Variants in CNTN5 observed in about 807,000 individuals in gnomAD.
CNTN5 encodes the protein contactin-5.
In CNTN5, 77 loss-of-function variants were observed where a neutral mutation model predicts 129.1. The ratio of observed to expected loss-of-function variants is 0.60; its 90% CI spans 0.50 to 0.72. The LOEUF (loss-of-function observed/expected upper bound fraction) is 0.72. Among genes scored for constraint, CNTN5 ranks in the 30% least tolerant of loss-of-function variants. The probability of loss-of-function intolerance (pLI) is 0.00; values close to 1 mark genes in which losing one functional copy is unlikely to be tolerated. For synonymous variants in CNTN5, 509 were observed against 465.6 expected (o/e 1.09, Z -1.20); for missense variants, 1,478 against 1,328.8 (o/e 1.11, Z -1.75).
chr11:100,006,490 G>A (rs886243659), intron 9 of CNTN5, among the ~76,000 whole-genome samples: 1 of 152,102 alleles, frequency 6.6e-6, no homozygotes, highest in Non-Finnish European at 1.5e-5. Context: ...AATGTCCACA[G>A]CATCTTTTCC....
intron 1 of CNTN5, among the ~76,000 whole-genome samples, chr11:99,128,690 G>C (rs1433959728): frequency 6.6e-6 from 1 of 152,160 alleles, no homozygotes; most frequent in Non-Finnish European, 1.5e-5. Context: ...CCCAACAGGG[G>C]TCACCAGACA....
chr11:99,622,775 T>C (rs137994049), intron 3 of CNTN5, among the ~76,000 whole-genome samples: 1 of 152,200 alleles, frequency 6.6e-6, no homozygotes, highest in African/African-American at 2.4e-5. Flanking sequence ...CACATGACTT[T>C]TGCTAACTTG....
intron 6 of CNTN5, among the ~76,000 whole-genome samples, chr11:99,901,662 C>T (rs1949361400): frequency 6.6e-6 from 1 of 152,040 alleles, no homozygotes; most frequent in African/African-American, 2.4e-5. Flanking sequence ...CAGCTCACCA[C>T]TGAGATTTAT....
chr11:99,937,143 A>T (rs1020708893), intron 7 of CNTN5, among the ~76,000 whole-genome samples: 1 of 152,200 alleles, frequency 6.6e-6, no homozygotes, highest in African/African-American at 2.4e-5. Flanking sequence ...TTTCAAATGG[A>T]TTCCTTTTAC....
intron 2 of CNTN5, among the ~76,000 whole-genome samples, chr11:99,444,129 G>T (rs570544521): frequency 1.2e-3 from 182 of 152,214 alleles, no homozygotes; most frequent in African/African-American, 4.0e-3. Context: ...AACCCAGGGG[G>T]TGGAGGTTGC....
intron 1 of CNTN5, among the ~76,000 whole-genome samples, chr11:99,074,672 T>C (rs1565296231): frequency 6.6e-6 from 1 of 152,174 alleles, no homozygotes; most frequent in Admixed American, 6.6e-5. Context: ...ATGTCACTTA[T>C]AAATATCTGT....
chr11:99,848,449 C>G (rs1332256470), intron 6 of CNTN5, among the ~76,000 whole-genome samples: 1 of 151,976 alleles, frequency 6.6e-6, no homozygotes, highest in Non-Finnish European at 1.5e-5. Flanking sequence ...CATTATACAA[C>G]TAATATTTCA....
intron 2 of CNTN5, among the ~76,000 whole-genome samples, chr11:99,427,347 G>A (rs149257487): frequency 4.5e-4 from 69 of 152,208 alleles, no homozygotes; most frequent in African/African-American, 1.6e-3. Flanking sequence ...GAACCTGAGG[G>A]GGGAAATAAT....
chr11:99,753,125 T>TTTTG, intron 3 of CNTN5, among the ~76,000 whole-genome samples: 1 of 141,372 alleles, frequency 7.1e-6, no homozygotes, highest in East Asian at 2.1e-4. Context: ...TTTGCTTTTT[T>TTTTG]TTTTTTTTTT....
intron 2 of CNTN5, among the ~76,000 whole-genome samples, chr11:99,374,246 T>C (rs1411146459): frequency 6.6e-6 from 1 of 152,186 alleles, no homozygotes; most frequent in Non-Finnish European, 1.5e-5. Context: ...AACTTCACAT[T>C]TGTTTTCTCT....
chr11:99,906,285 C>T (rs924433749), intron 6 of CNTN5, among the ~76,000 whole-genome samples: 2 of 152,000 alleles, frequency 1.3e-5, no homozygotes, highest in Non-Finnish European at 2.9e-5. Context: ...TCATAAATAG[C>T]TCTTATTATT....
chr11:99,083,646 G>C (rs1230186091), intron 1 of CNTN5, among the ~76,000 whole-genome samples: 1 of 152,114 alleles, frequency 6.6e-6, no homozygotes, highest in Admixed American at 6.5e-5. Context: ...TGTATCAGAG[G>C]AACTCAAGGG....
At chr11:99,517,014 G>A (rs1209513166) in intron 2 of CNTN5, among the ~76,000 whole-genome samples, 1 of 152,058 alleles carries the variant, frequency 6.6e-6, no homozygotes, top group African/African-American at 2.4e-5. Flanking sequence ...TAGAATAAAA[G>A]GGGGAGGGAA....
chr11:99,767,398 CAAAA>C (rs976535185), intron 3 of CNTN5, among the ~76,000 whole-genome samples: 4 of 151,900 alleles, frequency 2.6e-5, no homozygotes, highest in African/African-American at 7.2e-5. Context: ...AACAACTACT[CAAAA>C]AGAAAGCTGG....
At chr11:99,725,548 G>A (rs369294817) in intron 3 of CNTN5, among the ~76,000 whole-genome samples, 2 of 134,298 alleles carry the variant, frequency 1.5e-5, no homozygotes, top group African/African-American at 5.6e-5. Context: ...TCTTTGCCTT[G>A]CCTTTGTAAC....
chr11:99,180,712 T>C (rs1858009792), intron 1 of CNTN5, among the ~76,000 whole-genome samples: 1 of 152,140 alleles, frequency 6.6e-6, no homozygotes, highest in Non-Finnish European at 1.5e-5. Flanking sequence ...TACTCAATTG[T>C]AGGAAAATAC....
At chr11:99,626,170 G>T (rs184624924) in intron 3 of CNTN5, among the ~76,000 whole-genome samples, 1 of 152,106 alleles carries the variant, frequency 6.6e-6, no homozygotes, top group East Asian at 1.9e-4. Flanking sequence ...CATGCACAGA[G>T]GGTGACATTG....
At chr11:99,411,581 C>A (rs1333042797) in intron 2 of CNTN5, among the ~76,000 whole-genome samples, 1 of 152,026 alleles carries the variant, frequency 6.6e-6, no homozygotes, top group Non-Finnish European at 1.5e-5. Context: ...CTCTTTTTAT[C>A]ACAGCTCTTA....
At chr11:100,109,256 T>C (rs1224175053) in intron 13 of CNTN5, among the ~76,000 whole-genome samples, 2 of 152,100 alleles carry the variant, frequency 1.3e-5, no homozygotes, top group East Asian at 3.9e-4. Flanking sequence ...CGAAACCCTG[T>C]CTCTACTAAG....
Sources: gnomAD v4.1 joint callset for allele counts (sites outside exome capture counted in the v4.1 genomes callset) on GRCh38, gnomAD v4.1.1 for gene constraint, MANE v1.5 for transcripts, NCBI Gene and HGNC (gene_info 2026-07-23, HGNC 2026-07-21) for gene names.